SLF1: variants seen among roughly 807,000 people sequenced by gnomAD.
SLF1 encodes the protein SMC5-SMC6 complex localization factor protein 1.
Under a neutral mutation model 123.0 loss-of-function variants are expected in SLF1, and 105 were observed. The observed-to-expected ratio is 0.85, with a 90% CI of 0.73 to 1.00. SLF1 has a LOEUF of 1.00. Ranked by LOEUF, SLF1 falls within the 50% of genes least tolerant of loss-of-function variation. The probability of loss-of-function intolerance (pLI) is 0.00; values close to 1 mark genes in which losing one functional copy is unlikely to be tolerated. For synonymous variants in SLF1, 434 were observed against 406.6 expected, an observed-to-expected ratio of 1.07 and a Z score of -0.81; for missense variants, 1,239 against 1,223.0, an observed-to-expected ratio of 1.01 and a Z score of -0.20.
intron 4 of SLF1, among the ~76,000 whole-genome samples, chr5:94,641,729 T>C (rs890055335): frequency 6.6e-6 from 1 of 152,186 alleles, no homozygotes; most frequent in Non-Finnish European, 1.5e-5. Context: ...TGGGTAGATA[T>C]ATTCTCAGTT....
At chr5:94,655,872 A>G (rs75846777) in intron 9 of SLF1, among the ~76,000 whole-genome samples, 2,242 of 151,706 alleles carry the variant, frequency 0.015, 52 homozygotes, top group African/African-American at 0.051. Context: ...ATGTTTTTCT[A>G]CATATGAGAT....
At position 94,678,889 on chromosome 5, in the gene SLF1, A is replaced by G; in HGVS notation, c.1909A>G (p.Met637Val). 6.2e-7 allele frequency: 1 copy of G among 1,613,822 alleles called. No homozygotes were observed. Among genetic ancestry groups the G allele is most frequent in the South Asian group, 1.1e-5 (1 of 91,066 alleles). The change falls in exon 15 of 21, where the codon ATG becomes GTG. Residue 637 changes from methionine (M) to valine (V), a missense_variant. By Grantham distance (21) the Met-to-Val change is conservative. Coordinates refer to ENST00000265140, the MANE Select transcript of SLF1 (RefSeq NM_032290.4). ...TTATTGGATTTTCCTTGGTCTTAAG[A>G]TGGGTAGAAATGTGATGCGACACAT... is the stretch of plus-strand genomic sequence containing the variant. ...IDYWIFLGLK[M>V]GRNVMRHMSD...
chr5:94,684,145 T>C (rs1406714420), intron 15 of SLF1, among the ~76,000 whole-genome samples: 1 of 152,252 alleles, frequency 6.6e-6, no homozygotes, highest in Admixed American at 6.5e-5. Context: ...AGATCAACTC[T>C]TTTGAACTCT....
intron 4 of SLF1, 73 bp downstream of exon 4, chr5:94,630,816 A>G (rs1402006287): frequency 2.2e-5 from 32 of 1,471,918 alleles, no homozygotes; most frequent in Non-Finnish European, 2.8e-5. Context: ...TACTTTCTGT[A>G]TTTTTTTGCA....
intron 1 of SLF1, among the ~76,000 whole-genome samples, chr5:94,626,301 C>G (rs1182066720): frequency 2.0e-5 from 3 of 151,278 alleles, no homozygotes; most frequent in Non-Finnish European, 4.4e-5. Flanking sequence ...GTAAAGGGTT[C>G]CTTATACAAG....
intron 15 of SLF1, among the ~76,000 whole-genome samples, chr5:94,680,892 T>A (rs569000357): frequency 6.6e-6 from 1 of 152,214 alleles, no homozygotes; most frequent in Non-Finnish European, 1.5e-5. Context: ...TGAACCTTAG[T>A]GTTACTATTA....
At position 94,691,651 on chromosome 5, in the gene SLF1, T is replaced by G. The variant is rs144144199; in HGVS notation, c.2507T>G (p.Val836Gly). The change falls in exon 19 of 21, where the codon GTT (valine) becomes GGT (glycine). Residue 836 changes from valine (V) to glycine (G), a missense_variant. By Grantham distance (109) the Val-to-Gly change is moderately radical (BLOSUM62 -3). Transcript: ENST00000265140. Reference sequence around the variant, plus strand: ...TCTTTGCCAGGAATAGACATCAATGTTAAAGGTAAGTTTTAAATCTTTGTG... The same window carrying G: ...TCTTTGCCAGGAATAGACATCAATGGTAAAGGTAAGTTTTAAATCTTTGTG... ...LLSLPGIDIN[V>G]KDNAGWTPLH... The G allele has an allele frequency of 2.8e-5, 45 of 1,605,814 alleles. No individual in the cohort carries two copies. Among genetic ancestry groups the G allele is most frequent in the Non-Finnish European group, 3.5e-5 (41 of 1,176,890 alleles).
At chr5:94,636,700 T>C (rs1234572630) in intron 4 of SLF1, among the ~76,000 whole-genome samples, 1 of 150,192 alleles carries the variant, frequency 6.7e-6, no homozygotes, top group African/African-American at 2.4e-5. Context: ...TATGTTCTTG[T>C]ATTTTACTGA....
At chr5:94,622,723 T>C (rs1222535585) in intron 1 of SLF1, among the ~76,000 whole-genome samples, 1 of 152,110 alleles carries the variant, frequency 6.6e-6, no homozygotes, top group Non-Finnish European at 1.5e-5. Context: ...TTCTTAAATA[T>C]AAATATATAA....
At chr5:94,630,449 A>G in intron 3 of SLF1, 54 bp from the exon 4 acceptor site, 1 of 1,497,768 alleles carries the variant, frequency 6.7e-7, no homozygotes, top group Middle Eastern at 1.8e-4. Flanking sequence ...TTTATTGTTT[A>G]TCATTTATCA....
At chr5:94,662,072 T>G (rs1749188913) in intron 9 of SLF1, among the ~76,000 whole-genome samples, 1 of 152,198 alleles carries the variant, frequency 6.6e-6, no homozygotes, top group Admixed American at 6.5e-5. Context: ...CGAATATGAC[T>G]TAATTATTGT....
chr5:94,653,431 G>A lies in SLF1; in HGVS notation c.1032+10G>A. 6.7e-7 allele frequency: 1 copy of A among 1,482,696 alleles called. No individual in the cohort carries two copies. The highest frequency in any genetic ancestry group is 8.9e-7 in the Non-Finnish European group (1 of 1,123,474). 91.8% of individuals were successfully genotyped at this position (1,482,696 alleles called of 1,614,324 possible). ...ATATAATAGAGATCAGGTAAAGTTTGTAAGCTAAGCTATAGCTTTCTTTTT... is the reference window on the plus strand; with the variant it reads ...ATATAATAGAGATCAGGTAAAGTTTATAAGCTAAGCTATAGCTTTCTTTTT... On this transcript the variant is annotated intron_variant, in intron 8 of 20. Coordinates refer to ENST00000265140, the MANE Select transcript of SLF1 (RefSeq NM_032290.4).
At position 94,650,038 on chromosome 5, in the gene SLF1, G is replaced by A. The variant is rs183620379; in HGVS notation, c.738+441G>A. ...AACTTGTAAAACAATAAAACAGGAA[G>A]GACTTTGAACTTGGAGCAATAAAAA... On this transcript the variant is annotated intron_variant, in intron 6 of 20. Transcript: ENST00000265140. 2.7e-3 allele frequency among the ~76,000 whole-genome samples: 411 copies of A among 152,154 alleles called. 1 individual carries two copies. Among genetic ancestry groups the A allele is most frequent in the African/African-American group, 9.6e-3 (398 of 41,520 alleles).
intron 11 of SLF1, 67 bp from the exon 12 acceptor site, chr5:94,665,794 C>T: frequency 7.3e-7 from 1 of 1,370,326 alleles, no homozygotes; most frequent in African/African-American, 1.5e-5. Flanking sequence ...TGGTTTTAGA[C>T]TGAATTAGAG....
chr5:94,686,683 A>C lies in SLF1; in HGVS notation c.2086A>C (p.Ser696Arg). The change falls in exon 16 of 21, where the codon AGT (serine) becomes CGT (arginine). Residue 696 changes from serine to arginine, a missense_variant. By Grantham distance (110) the Ser-to-Arg change is moderately radical. Transcript: ENST00000265140. ...FKKLCLQSSG[S>R]VSSEPLSLQK... ...AAAGTTGTGTCTACAGAGCTCTGGC[A>C]GTGTTTCTTCTGAGCCACTCTCTCT... 6.2e-7 allele frequency: 1 copy of C among 1,614,110 alleles called. No homozygotes were observed. Among genetic ancestry groups the C allele is most frequent in the Non-Finnish European group, 8.5e-7 (1 of 1,179,976 alleles).
intron 4 of SLF1, among the ~76,000 whole-genome samples, chr5:94,632,583 G>A (rs1745328285): frequency 6.6e-6 from 1 of 151,962 alleles, no homozygotes. Flanking sequence ...TTATTCCTAG[G>A]TATTTTGTGT....
intron 9 of SLF1, among the ~76,000 whole-genome samples, chr5:94,658,692 A>G (rs913686524): frequency 3.9e-5 from 6 of 152,126 alleles, no homozygotes; most frequent in Admixed American, 6.5e-5. Context: ...AACACTTGGG[A>G]CGTTTTCAGC....
At chr5:94,689,430 T>G (rs1752826579) in intron 17 of SLF1, 43 bp from the exon 18 acceptor site, 1 of 1,587,096 alleles carries the variant, frequency 6.3e-7, no homozygotes, top group African/African-American at 1.4e-5. Flanking sequence ...TGGCACGCCT[T>G]GCTGAAAAAC....
At chr5:94,665,754 A>G in intron 11 of SLF1, 107 bp from the exon 12 acceptor site, 2 of 1,066,878 alleles carry the variant, frequency 1.9e-6, no homozygotes, top group Non-Finnish European at 2.6e-6. Context: ...CTCCGTCTCA[A>G]AAAAGAAAGT....
Sources: allele counts gnomAD v4.1 joint callset (sites outside exome capture counted in the v4.1 genomes callset), GRCh38; gene constraint gnomAD v4.1.1; transcripts MANE v1.5; gene names NCBI Gene and HGNC (gene_info 2026-07-23, HGNC 2026-07-21).